ANKRD17: variants seen among roughly 807,000 people sequenced by gnomAD.
ANKRD17 encodes the protein ankyrin repeat domain-containing protein 17.
ANKRD17 carries 19 observed loss-of-function variants against 229.7 expected under a neutral mutation model. The observed-to-expected ratio is 0.08, with a 90% CI of 0.06 to 0.12. ANKRD17 has a LOEUF of 0.12. Among genes scored for constraint, ANKRD17 ranks in the 10% least tolerant of loss-of-function variants. ANKRD17 has a pLI of 1.00. For missense variants in ANKRD17, 2,176 were observed against 3,176.8 expected, an observed-to-expected ratio of 0.68 and a Z score of 7.57; for synonymous variants, 1,112 against 1,146.1, an observed-to-expected ratio of 0.97 and a Z score of 0.60.
chr4:73,073,533 G>A lies in ANKRD17; in HGVS notation c.*2698C>T, dbSNP rs752913117. On this transcript the variant is annotated 3_prime_UTR_variant, in exon 34 of 34. Transcript: ENST00000358602. ...ATTTAGGTTATTTGAGTCAAAACACGGATGGACTATTATTTTTGTGAAGAA... is the reference window on the plus strand; with the variant it reads ...ATTTAGGTTATTTGAGTCAAAACACAGATGGACTATTATTTTTGTGAAGAA... 4 of 151,914 alleles carry A rather than the reference G, an allele frequency of 2.6e-5. No homozygotes were observed. The highest frequency in any genetic ancestry group is 4.4e-5 in the Non-Finnish European group (3 of 67,888). The allele number at this position is 151,914 out of a possible 1,614,324, so 9.4% of individuals were successfully genotyped here. A position where few individuals can be genotyped will look rare whatever the true frequency, so the allele number is the denominator to read the frequency against.
intron 21 of ANKRD17, among the ~76,000 whole-genome samples, chr4:73,119,898 T>C (rs1726490855): frequency 1.3e-5 from 2 of 152,292 alleles, no homozygotes; most frequent in South Asian, 2.1e-4. Context: ...AGATGGATGT[T>C]CAAATAGCTT....
chr4:73,226,890 T>C (rs1054758500), intron 1 of ANKRD17, among the ~76,000 whole-genome samples: 9 of 152,206 alleles, frequency 5.9e-5, no homozygotes, highest in East Asian at 3.9e-4. Context: ...AAAGCATTTG[T>C]TCTTTTACTC....
chr4:73,076,156 C>G lies in ANKRD17; in HGVS notation c.*75G>C. The G allele has an allele frequency of 7.4e-7, 1 of 1,343,680 alleles. No homozygotes were observed. Among genetic ancestry groups the G allele is most frequent in the East Asian group, 2.4e-5 (1 of 41,386 alleles). The allele number at this position is 1,343,680 out of a possible 1,614,324, so 83.2% of individuals were successfully genotyped here. On this transcript the variant is annotated 3_prime_UTR_variant, in exon 34 of 34. Coordinates refer to ENST00000358602, the MANE Select transcript of ANKRD17 (RefSeq NM_032217.5). ...GCACATCAGTAGAATGATTTGGGAG[C>G]ATAATTTTTTTTTTCGGCCACTTGT...
chr4:73,090,403 C>T (rs959194211), intron 29 of ANKRD17, among the ~76,000 whole-genome samples: 3 of 152,160 alleles, frequency 2.0e-5, no homozygotes, highest in Non-Finnish European at 4.4e-5. Flanking sequence ...GAGCGAGACT[C>T]TGTCTCAAAA....
At chr4:73,079,455 C>T (rs1021642600) in intron 30 of ANKRD17, among the ~76,000 whole-genome samples, 4 of 152,136 alleles carry the variant, frequency 2.6e-5, no homozygotes, top group African/African-American at 4.8e-5. Flanking sequence ...TGCAGAGGCT[C>T]GATCATAACT....
intron 24 of ANKRD17, among the ~76,000 whole-genome samples, chr4:73,110,824 A>C (rs2148649975): frequency 6.6e-6 from 1 of 152,344 alleles, no homozygotes; most frequent in African/African-American, 2.4e-5. Flanking sequence ...CATGTGCAGG[A>C]ATCAATTTAG....
chr4:73,216,399 AAC>A (rs1741045055), intron 1 of ANKRD17, among the ~76,000 whole-genome samples: 1 of 152,210 alleles, frequency 6.6e-6, no homozygotes, highest in Admixed American at 6.5e-5. Context: ...AATAATTTTT[AAC>A]AGTGAAAAAG....
Position 73,154,551 on chromosome 4 carries a change from CAT to C in ANKRD17, c.1001-440_1001-439del, listed in dbSNP as rs576630082. Reference sequence around the variant, plus strand: ...CATACTTTATACTATACCTTTTAATCATATATGTTTTCATTACAACTTCAAAT... The same window carrying C: ...CATACTTTATACTATACCTTTTAATCATATGTTTTCATTACAACTTCAAAT... On this transcript the variant is annotated intron_variant, in intron 5 of 33. Transcript: ENST00000358602. Among the ~76,000 whole-genome samples the C allele has an allele frequency of 6.4e-3, 967 of 152,166 alleles. 6 individuals carry two copies. The highest frequency in any genetic ancestry group is 0.01 in the Non-Finnish European group (700 of 67,996).
rs998422409 is a variant in ANKRD17, at chr4:73,196,762, T to C, written c.394-19229A>G. Among the ~76,000 whole-genome samples, 6 of 152,314 alleles carry C rather than the reference T, an allele frequency of 3.9e-5. No homozygotes were observed. The South Asian group carries it at 6.2e-4, about 16-fold the overall frequency. ...GTTACATAAGTAACTCATAAGTAAATAGATAATAATGTTTGCTATCTTAGC... is the reference window on the plus strand; with the variant it reads ...GTTACATAAGTAACTCATAAGTAAACAGATAATAATGTTTGCTATCTTAGC... On this transcript the variant is annotated intron_variant, in intron 1 of 33. Transcript: ENST00000358602.
chr4:73,080,107 C>T (rs1042492040), intron 30 of ANKRD17, among the ~76,000 whole-genome samples: 1 of 151,980 alleles, frequency 6.6e-6, no homozygotes, highest in South Asian at 2.1e-4. Flanking sequence ...TGACTCCATC[C>T]CCCCTCCCCC....
chr4:73,222,726 T>C (rs1687429144), intron 1 of ANKRD17, among the ~76,000 whole-genome samples: 1 of 152,148 alleles, frequency 6.6e-6, no homozygotes, highest in African/African-American at 2.4e-5. Context: ...CTCCCCTTTT[T>C]CCCTAACAAA....
intron 1 of ANKRD17, among the ~76,000 whole-genome samples, chr4:73,222,431 TTTTAA>T (rs1194705802): frequency 6.6e-5 from 10 of 152,174 alleles, no homozygotes; most frequent in Non-Finnish European, 1.5e-4. Flanking sequence ...GTTTTAATAT[TTTTAA>T]TTTAATAATT....
At chr4:73,144,469 T>G (rs1578180813) in intron 11 of ANKRD17, among the ~76,000 whole-genome samples, 1 of 152,202 alleles carries the variant, frequency 6.6e-6, no homozygotes, top group Non-Finnish European at 1.5e-5. Context: ...CAGCAGAGTT[T>G]GTTACCTAAA....
At position 73,142,787 on chromosome 4, in the gene ANKRD17, G is replaced by C; in HGVS notation, c.1958-20C>G. 2 of 1,590,922 alleles carry C rather than the reference G, an allele frequency of 1.3e-6. No homozygotes were observed. Among genetic ancestry groups the C allele is most frequent in the Non-Finnish European group, 1.7e-6 (2 of 1,169,954 alleles). Reference sequence around the variant, plus strand: ...TCGCTCCTAAAACAGAAAAGGCATGGAAAATCATATTAGTAGAATGGTTTT... The same window carrying C: ...TCGCTCCTAAAACAGAAAAGGCATGCAAAATCATATTAGTAGAATGGTTTT... On this transcript the variant is annotated intron_variant, in intron 11 of 33. Coordinates refer to ENST00000358602, the MANE Select transcript of ANKRD17 (RefSeq NM_032217.5).
rs538746517 is a variant in ANKRD17, at chr4:73,233,706, G to GT, written c.393+24569dup. On this transcript the variant is annotated intron_variant, in intron 1 of 33. Coordinates refer to ENST00000358602, the MANE Select transcript of ANKRD17 (RefSeq NM_032217.5). ...CAAATATGTTCATACAAAGTGCATC[G>GT]TTTTTTCCCAGTATAGAAAATGCAA... 9.9e-5 allele frequency among the ~76,000 whole-genome samples: 15 copies of GT among 152,042 alleles called. No individual in the cohort carries two copies. The South Asian group carries it at 2.7e-3, about 27-fold the overall frequency.
chr4:73,203,877 A>G (rs1455788457), intron 1 of ANKRD17, among the ~76,000 whole-genome samples: 2 of 152,130 alleles, frequency 1.3e-5, no homozygotes, highest in Admixed American at 6.5e-5. Context: ...AACACGAAGA[A>G]AAGTGCACCA....
chr4:73,155,999 T>C lies in ANKRD17; in HGVS notation c.852+20A>G, dbSNP rs2148888365. The C allele has an allele frequency of 3.2e-6, 5 of 1,555,746 alleles. No individual in the cohort carries two copies. The Middle Eastern group carries it at 5.2e-4, about 162-fold the overall frequency. On this transcript the variant is annotated intron_variant, in intron 4 of 33. Transcript: ENST00000358602. The stretch of plus-strand genomic sequence containing the variant: ...GTTTTTAAAAAAACAACAAATAAGC[T>C]TTATTTTGATAATACGAACCTGTGC...
chr4:73,136,259 G>C (rs1487254614), intron 15 of ANKRD17, among the ~76,000 whole-genome samples: 2 of 152,102 alleles, frequency 1.3e-5, no homozygotes, highest in Non-Finnish European at 2.9e-5. Context: ...CTGGTCAACA[G>C]TACTGTGGAT....
chr4:73,177,127 C>A (rs988787915), intron 2 of ANKRD17, among the ~76,000 whole-genome samples: 7 of 152,070 alleles, frequency 4.6e-5, no homozygotes, highest in Non-Finnish European at 1.0e-4. Context: ...ACATAATTCA[C>A]GAATAATCAA....
Sources: gnomAD v4.1 joint callset for allele counts (sites outside exome capture counted in the v4.1 genomes callset) on GRCh38, gnomAD v4.1.1 for gene constraint, MANE v1.5 for transcripts, NCBI Gene and HGNC (gene_info 2026-07-23, HGNC 2026-07-21) for gene names.